The following PDE2A variants were observed in gnomAD, a reference collection of about 807,000 sequenced individuals.
The protein encoded by PDE2A is phosphodiesterase 2A, also known as cGMP-dependent 3',5'-cyclic phosphodiesterase.
PDE2A carries 53 observed loss-of-function variants against 133.6 expected under a neutral mutation model. The observed-to-expected ratio is 0.40, with a 90% CI of 0.32 to 0.50. The LOEUF (loss-of-function observed/expected upper bound fraction) is 0.50, where lower values mean the gene tolerates loss of function less well. Among genes scored for constraint, PDE2A ranks in the 20% least tolerant of loss-of-function variants. PDE2A has a pLI of 0.73. For missense variants in PDE2A, 796 were observed against 1,232.4 expected, an observed-to-expected ratio of 0.65 and a Z score of 5.30; for synonymous variants, 491 against 490.2, an observed-to-expected ratio of 1.00 and a Z score of -0.02.
intron 2 of PDE2A, chr11:72,621,968 A>C (rs1857793200): frequency 6.6e-6 from 1 of 152,230 alleles, no homozygotes; most frequent in Admixed American, 6.5e-5. Flanking sequence ...TATCTGGAAT[A>C]TATAAAGAAC....
At chr11:72,636,163 A>G (rs1298045404) in intron 2 of PDE2A, 1 of 1,140,924 alleles carries the variant, frequency 8.8e-7, no homozygotes, top group Admixed American at 2.6e-5. Context: ...CCTGCCGGCT[A>G]CTCTCAAGGG....
intron 2 of PDE2A, among the ~76,000 whole-genome samples, chr11:72,629,867 G>C (rs1254772224): frequency 1.3e-5 from 2 of 152,162 alleles, no homozygotes; most frequent in African/African-American, 4.8e-5. Context: ...TGGGGGTGCT[G>C]TAATAATTAA....
At position 72,597,759 on chromosome 11, in the gene PDE2A, G is replaced by A. The variant is rs1856554101; in HGVS notation, c.324-140C>T. ...TGACCTGCCTCAGGTTGGACACGATGACAGCACAAGTAAAAAAGTAGGGGA... is the reference window on the plus strand; with the variant it reads ...TGACCTGCCTCAGGTTGGACACGATAACAGCACAAGTAAAAAAGTAGGGGA... On this transcript the variant is annotated intron_variant, in intron 4 of 30. Transcript: ENST00000334456. This position sits in a 1 kb window ranked among gnomAD's most constrained non-coding sequence, Gnocchi z 4.6. 1 of 602,822 alleles carries A rather than the reference G, an allele frequency of 1.7e-6. No individual in the cohort carries two copies. The highest frequency in any genetic ancestry group is 1.9e-5 in the African/African-American group (1 of 54,014). The allele number at this position is 602,822 out of a possible 1,614,324, so 37.3% of individuals were successfully genotyped here.
At chr11:72,586,758 G>T (rs1855993981) in intron 13 of PDE2A, among the ~76,000 whole-genome samples, 1 of 152,222 alleles carries the variant, frequency 6.6e-6, no homozygotes, top group African/African-American at 2.4e-5. Context: ...ATGGGGCTGG[G>T]TGGACCAATG....
chr11:72,631,049 A>G, intron 2 of PDE2A: 2 of 1,157,116 alleles, frequency 1.7e-6, no homozygotes, highest in Non-Finnish European at 2.4e-6. Context: ...CCTCAAGCCC[A>G]CCCACTTCTC....
intron 1 of PDE2A, among the ~76,000 whole-genome samples, chr11:72,654,703 T>A (rs1173833943): frequency 1.3e-5 from 2 of 152,326 alleles, no homozygotes; most frequent in African/African-American, 4.8e-5. Flanking sequence ...TCCTGTGCCC[T>A]CAGAGGCACC....
rs1858423635 is a variant in PDE2A at position 72,632,055 on chromosome 11, C to T, written c.144+10199G>A. On this transcript the variant is annotated intron_variant, in intron 2 of 30. Transcript: ENST00000334456. ...GACTGGGAGGGGGAGGGGGATGAGA[C>T]ACCCATCCCTGCTAGTCCCTGCTAG... 2.0e-5 allele frequency among the ~76,000 whole-genome samples: 3 copies of T among 152,294 alleles called. 1 individual carries two copies. The highest frequency in any genetic ancestry group is 1.3e-4 in the Admixed American group (2 of 15,302).
intron 2 of PDE2A, among the ~76,000 whole-genome samples, chr11:72,632,272 G>C (rs71477738): frequency 8.9e-4 from 135 of 152,290 alleles, no homozygotes; most frequent in Middle Eastern, 3.4e-3. Context: ...CTGGTGTGTG[G>C]AGGCTTGTGG....
chr11:72,642,497 GC>G (rs1859004388), intron 1 of PDE2A, 171 bp from the exon 2 acceptor site: 1 of 521,526 alleles, frequency 1.9e-6, no homozygotes, highest in Non-Finnish European at 2.1e-6. Context: ...CCCCCCGCCC[GC>G]CCCCGGCCCG....
intron 2 of PDE2A, among the ~76,000 whole-genome samples, chr11:72,614,875 T>C (rs913882922): frequency 2.0e-5 from 3 of 151,982 alleles, no homozygotes; most frequent in Non-Finnish European, 2.9e-5. Flanking sequence ...TGGGGAGATA[T>C]GGATAACAAG....
chr11:72,654,755 G>C (rs917779867), intron 1 of PDE2A, among the ~76,000 whole-genome samples: 3 of 152,200 alleles, frequency 2.0e-5, no homozygotes, highest in African/African-American at 7.2e-5. Flanking sequence ...GGAGGAACGA[G>C]ACAAGATGAA....
chr11:72,594,125 A>C (rs997713113), intron 6 of PDE2A, among the ~76,000 whole-genome samples: 1 of 152,148 alleles, frequency 6.6e-6, no homozygotes, highest in Admixed American at 6.5e-5. Context: ...TGTTCCCAGC[A>C]CCTAGCACTC....
chr11:72,584,899 C>T lies in PDE2A; in HGVS notation c.1332G>A (p.Val444=). ...CATCATCCACCACGCCCCCGTCGAACACCTTGGCCACCAGCTCATTCTGAT... is the reference window on the plus strand; with the variant it reads ...CATCATCCACCACGCCCCCGTCGAATACCTTGGCCACCAGCTCATTCTGAT... ...LLDQNELVAK[V]FDGGVVDDES... is the part of the protein sequence containing the mutation. Residue 444 remains valine, a synonymous_variant, in exon 17 of 31, where the codon GTG becomes GTA. Coordinates refer to ENST00000334456, the MANE Select transcript of PDE2A (RefSeq NM_002599.5). 1 of 1,614,222 alleles carries T rather than the reference C, an allele frequency of 6.2e-7. No homozygotes were observed. Among genetic ancestry groups the T allele is most frequent in the Non-Finnish European group, 8.5e-7 (1 of 1,180,034 alleles).
At chr11:72,580,719 C>T in intron 24 of PDE2A, 95 bp from the exon 25 acceptor site, 1 of 1,111,698 alleles carries the variant, frequency 9.0e-7, no homozygotes, top group Non-Finnish European at 1.3e-6. Flanking sequence ...CCACCTTTCT[C>T]CCCTCCTCCC....
At chr11:72,636,336 T>C (rs764403679) in intron 2 of PDE2A, among the ~76,000 whole-genome samples, 25 of 152,264 alleles carry the variant, frequency 1.6e-4, no homozygotes, top group Non-Finnish European at 2.5e-4. Context: ...TTTACTCATT[T>C]TGGAATGTAC....
At chr11:72,606,916 G>T (rs1277241796) in intron 3 of PDE2A, among the ~76,000 whole-genome samples, 1 of 152,188 alleles carries the variant, frequency 6.6e-6, no homozygotes, top group Non-Finnish European at 1.5e-5. Flanking sequence ...GAGAAGGAGG[G>T]AACCATTTCA....
At position 72,621,004 on chromosome 11, in the gene PDE2A, T is replaced by C. The variant is rs1042443830; in HGVS notation, c.145-12253A>G. Among the ~76,000 whole-genome samples, 10 of 152,158 alleles carry C rather than the reference T, an allele frequency of 6.6e-5. No homozygotes were observed. In the South Asian group the frequency reaches 1.2e-3, roughly 19 times the overall value. ...GAGGTTGCTGCTCCCCAAGAGACCATAGAGTATTTACCAAGTGCCAGAGAC... is the reference window on the plus strand; with the variant it reads ...GAGGTTGCTGCTCCCCAAGAGACCACAGAGTATTTACCAAGTGCCAGAGAC... On this transcript the variant is annotated intron_variant, in intron 2 of 30. Coordinates refer to ENST00000334456, the MANE Select transcript of PDE2A (RefSeq NM_002599.5).
chr11:72,617,302 G>T (rs1857522875), intron 2 of PDE2A, among the ~76,000 whole-genome samples: 1 of 152,218 alleles, frequency 6.6e-6, no homozygotes, highest in Admixed American at 6.5e-5. Flanking sequence ...GCCAGCCTGG[G>T]GTAGGGCTGG....
intron 20 of PDE2A, among the ~76,000 whole-genome samples, chr11:72,583,058 A>C (rs1053119989): frequency 6.6e-6 from 1 of 152,212 alleles, no homozygotes; most frequent in Non-Finnish European, 1.5e-5. Flanking sequence ...AATGGGATAG[A>C]TTATCAGCAA....
Sources: allele counts gnomAD v4.1 joint callset (sites outside exome capture counted in the v4.1 genomes callset), GRCh38; gene constraint gnomAD v4.1.1; non-coding constraint Gnocchi (gnomAD v3.1); transcripts MANE v1.5; gene names NCBI Gene and HGNC (gene_info 2026-07-23, HGNC 2026-07-21).